The following SETX variants were observed in gnomAD, a reference collection of about 807,000 sequenced individuals.
SETX encodes the protein senataxin.
In SETX, 90 loss-of-function variants were observed where a neutral mutation model predicts 227.2. The ratio of observed to expected loss-of-function variants is 0.40; its 90% CI spans 0.33 to 0.47. The LOEUF (loss-of-function observed/expected upper bound fraction) is 0.47. Ranked by LOEUF, SETX falls within the 20% of genes least tolerant of loss-of-function variation. The pLI is 0.91. For missense variants in SETX, 3,052 were observed against 3,181.5 expected (o/e 0.96, Z 0.98); for synonymous variants, 1,210 against 1,113.2 (o/e 1.09, Z -1.73).
intron 10 of SETX, among the ~76,000 whole-genome samples, chr9:132,312,188 T>C (rs1845705612): frequency 6.6e-6 from 1 of 152,208 alleles, no homozygotes; most frequent in African/African-American, 2.4e-5. Context: ...GTGCATAACG[T>C]ACTGCTGGAC....
chr9:132,303,948 C>G (rs1404689415), intron 11 of SETX, among the ~76,000 whole-genome samples: 1 of 152,092 alleles, frequency 6.6e-6, no homozygotes, highest in Non-Finnish European at 1.5e-5. Context: ...ATGGTGAAAC[C>G]CTGTTTCTAC....
In SETX at chr9:132,328,691, A is replaced by T. The variant is rs763064126; in HGVS notation, c.2907T>A (p.Ala969=). 9.9e-6 allele frequency: 16 copies of T among 1,613,770 alleles called. No homozygotes were observed. In the East Asian group the frequency reaches 3.6e-4, roughly 36 times the overall value. The change falls in exon 10 of 26, where the codon GCT becomes GCA. Residue 969 remains alanine (A), a synonymous_variant. Coordinates refer to ENST00000224140, the MANE Select transcript of SETX (RefSeq NM_015046.7). ...DRDLHKLSLL[A]QASVITFPSD... is the part of the protein sequence containing the mutation. ...ATGGGAACGTAATAACACTGGCTTG[A>T]GCTAGTAAAGATAATTTGTGAAGGT...
intron 10 of SETX, 36 bp from the exon 11 acceptor site, chr9:132,311,892 A>C (rs780035310): frequency 4.1e-6 from 6 of 1,468,580 alleles, no homozygotes; most frequent in Non-Finnish European, 5.7e-6. Context: ...AGAAAGCAAC[A>C]TTCTGGAAAG....
Position 132,283,616 on chromosome 9 carries a change from C to T in SETX, c.6397-203G>A, listed in dbSNP as rs185983304. On this transcript the variant is annotated intron_variant, in intron 18 of 25. Transcript: ENST00000224140. The stretch of plus-strand genomic sequence containing the variant: ...CACAAAGCAGAAAGAATGTGTGCTT[C>T]GCGGCTGAAACACAGAATATGATTT... 8.5e-5 allele frequency among the ~76,000 whole-genome samples: 13 copies of T among 152,282 alleles called. No individual in the cohort carries two copies. In the Middle Eastern group the frequency reaches 0.01, roughly 120 times the overall value.
At position 132,275,403 on chromosome 9, in the gene SETX, T is replaced by G; in HGVS notation, c.6953A>C (p.Gln2318Pro). Reference sequence around the variant, plus strand: ...TATTTCCATCACCAGTTTTATTTCTTGAACATTTATATATGAGCTAAACAA... The same window carrying G: ...TATTTCCATCACCAGTTTTATTTCTGGAACATTTATATATGAGCTAAACAA... ...RRDNDSYINV[Q>P]EIKLVMEIIK... is the part of the protein sequence containing the mutation. The change falls in exon 23 of 26, where the codon CAA becomes CCA. Residue 2318 changes from glutamine to proline, a missense_variant. Gln to Pro is a moderately conservative substitution (Grantham distance 76). Around this residue, in one of 10 missense-constraint regions of SETX, gnomAD observed 412 missense variants for 589.0 expected, o/e 0.70. Transcript: ENST00000224140. 6.2e-7 allele frequency: 1 copy of G among 1,600,010 alleles called. No homozygotes were observed.
Position 132,334,731 on chromosome 9 carries a change from T to C in SETX, c.719-4A>G, listed in dbSNP as rs775443601. 2.5e-5 allele frequency: 40 copies of C among 1,614,020 alleles called. No homozygotes were observed. Among genetic ancestry groups the C allele is most frequent in the Admixed American group, 5.0e-5 (3 of 60,018 alleles). ...ATGGTCAGCAACATGCAAATACCTG[T>C]AAGATCATTTAGAGTTATCTTGAAT... is the stretch of plus-strand genomic sequence containing the variant. On this transcript the variant is annotated splice_polypyrimidine_tract_variant and splice_region_variant and intron_variant, in intron 6 of 25. Coordinates refer to ENST00000224140, the MANE Select transcript of SETX (RefSeq NM_015046.7).
In SETX at chr9:132,264,242, T is replaced by C. The variant is rs749325764; in HGVS notation, c.8031A>G (p.Leu2677=). 2 of 1,614,144 alleles carry C rather than the reference T, an allele frequency of 1.2e-6. No individual in the cohort carries two copies. Among genetic ancestry groups the C allele is most frequent in the South Asian group, 1.1e-5 (1 of 91,086 alleles). ...TGGCCCATGTCACTGGGCTTTCCTA[T>C]AAAAGCTTTCTTTTCTTGGAACTGC... ...EDSSSKKRKL[L] The change falls in exon 26 of 26, where the codon TTA becomes TTG. Residue 2677 remains leucine (L), a synonymous_variant. Transcript: ENST00000224140.
At chr9:132,273,027 G>A (rs1842973367) in intron 23 of SETX, among the ~76,000 whole-genome samples, 2 of 152,266 alleles carry the variant, frequency 1.3e-5, no homozygotes, top group Admixed American at 1.3e-4. Context: ...GAACTCAGGA[G>A]TTTGAGAACA....
chr9:132,275,168 C>T (rs1231353097), intron 23 of SETX, 88 bp downstream of exon 23: 2 of 1,447,562 alleles, frequency 1.4e-6, no homozygotes, highest in African/African-American at 2.8e-5. Context: ...CAGACCACTC[C>T]TTAAGAGTTT....
intron 7 of SETX, among the ~76,000 whole-genome samples, chr9:132,331,741 A>G (rs1847250609): frequency 1.3e-5 from 2 of 152,168 alleles, no homozygotes; most frequent in African/African-American, 4.8e-5. Flanking sequence ...GGTAAGCACA[A>G]TCTTTTCACA....
chr9:132,347,727 T>C (rs576304935), intron 3 of SETX, among the ~76,000 whole-genome samples: 5 of 152,126 alleles, frequency 3.3e-5, no homozygotes, highest in African/African-American at 1.2e-4. Flanking sequence ...CCGAGGCCCT[T>C]CTATGTCTTC....
Position 132,327,493 on chromosome 9 carries a change from C to G in SETX, c.4105G>C (p.Glu1369Gln). 1 of 1,614,104 alleles carries G rather than the reference C, an allele frequency of 6.2e-7. No homozygotes were observed. The highest frequency in any genetic ancestry group is 8.5e-7 in the Non-Finnish European group (1 of 1,180,042). The change falls in exon 10 of 26, where the codon GAA becomes CAA. Residue 1369 changes from glutamate to glutamine, a missense_variant. Physicochemically the swap from Glu to Gln is conservative, Grantham distance 29 (BLOSUM62 2). Around this residue, in one of 10 missense-constraint regions of SETX, gnomAD observed 1,483 missense variants for 1,312.0 expected, o/e 1.13. Coordinates refer to ENST00000224140, the MANE Select transcript of SETX (RefSeq NM_015046.7). ...QKNRRRLSDCESTDVKRAGSH... is the reference protein window; with the variant it reads ...QKNRRRLSDCQSTDVKRAGSH... ...CCTGCTCTTTTAACATCTGTACTTT[C>G]ACAATCAGAAAGTCTTCGTCTATTT...
intron 7 of SETX, among the ~76,000 whole-genome samples, chr9:132,333,458 C>T (rs513622): frequency 0.79 from 87,338 of 110,014 alleles, 36,392 homozygotes; most frequent in Non-Finnish European, 0.88. Context: ...CACACACACA[C>T]GCCCTATCAA....
upstream of SETX, among the ~76,000 whole-genome samples, chr9:132,355,582 C>T (rs1194924608): frequency 6.6e-6 from 1 of 152,178 alleles, no homozygotes; most frequent in Non-Finnish European, 1.5e-5. Flanking sequence ...GCTCCCGCTT[C>T]TAATCCCACC....
rs924318361 is a variant in SETX at position 132,300,779 on chromosome 9, G to A, written c.5399C>T (p.Ala1800Val). The A allele has an allele frequency of 3.7e-6, 6 of 1,613,262 alleles. No homozygotes were observed. Among genetic ancestry groups the A allele is most frequent in the Non-Finnish European group, 5.1e-6 (6 of 1,179,814 alleles). ...FAVYLEECELAKQLYPKENDL... is the reference protein window; with the variant it reads ...FAVYLEECELVKQLYPKENDL... ...GTTTTCCTTTGGATAAAGCTGTTTAGCCAGTTCACATTCTTCCAGATAAAC... is the reference window on the plus strand; with the variant it reads ...GTTTTCCTTTGGATAAAGCTGTTTAACCAGTTCACATTCTTCCAGATAAAC... Residue 1800 changes from alanine to valine, a missense_variant, in exon 12 of 26, where the codon GCT becomes GTT. Around this residue, in one of 10 missense-constraint regions of SETX, gnomAD observed 239 missense variants for 272.1 expected, o/e 0.88. Transcript: ENST00000224140.
chr9:132,285,877 T>TAAAAAAAAAA (rs1843839783), intron 18 of SETX, among the ~76,000 whole-genome samples: 1 of 112,576 alleles, frequency 8.9e-6, no homozygotes, highest in East Asian at 4.2e-4. Context: ...AGACTCTGTC[T>TAAAAAAAAAA]CAAAAAAAAA....
chr9:132,275,820 G>A (rs925870009), intron 22 of SETX, among the ~76,000 whole-genome samples: 4 of 152,080 alleles, frequency 2.6e-5, no homozygotes, highest in East Asian at 1.9e-4. Context: ...ACTATCTTCC[G>A]AACACTGAGA....
Position 132,262,010 on chromosome 9 carries a change from T to C in SETX, c.*2229A>G, listed in dbSNP as rs138176538. The C allele has an allele frequency of 6.5e-6, 1 of 154,146 alleles. No individual in the cohort carries two copies. The highest frequency in any genetic ancestry group is 1.5e-5 in the Non-Finnish European group (1 of 68,138). 9.5% of individuals were successfully genotyped at this position (154,146 alleles called of 1,614,324 possible). The stretch of plus-strand genomic sequence containing the variant: ...GGCTTTGGCAAATACTTGTACCAAC[T>C]GGAACGAGTGAAGTTTCAAAAGTAA... On this transcript the variant is annotated 3_prime_UTR_variant, in exon 26 of 26. Transcript: ENST00000224140.
intron 20 of SETX, among the ~76,000 whole-genome samples, chr9:132,279,988 A>C (rs965685146): frequency 2.0e-5 from 3 of 152,180 alleles, no homozygotes; most frequent in Non-Finnish European, 4.4e-5. Context: ...TAACTGACTC[A>C]CTGTTAACCC....
Sources: gnomAD v4.1 joint callset for allele counts (sites outside exome capture counted in the v4.1 genomes callset) on GRCh38, gnomAD v4.1.1 for gene constraint, gnomAD v4.1.1 regional missense constraint, MANE v1.5 for transcripts, NCBI Gene and HGNC (gene_info 2026-07-23, HGNC 2026-07-21) for gene names.